The following PTPRN2 variants were observed in gnomAD, a reference collection of about 807,000 sequenced individuals.
The protein encoded by PTPRN2 is receptor-type tyrosine-protein phosphatase N2.
Under a neutral mutation model 118.8 loss-of-function variants are expected in PTPRN2, and 74 were observed. The ratio of observed to expected loss-of-function variants is 0.62; its 90% confidence interval spans 0.52 to 0.76. The LOEUF is 0.76. Among genes scored for constraint, PTPRN2 ranks in the 30% least tolerant of loss-of-function variants. The probability of loss-of-function intolerance (pLI) is 0.00; values close to 1 mark genes in which losing one functional copy is unlikely to be tolerated. For missense variants in PTPRN2, 1,481 were observed against 1,394.4 expected (o/e 1.06, Z -0.99); for synonymous variants, 641 against 608.0 (o/e 1.05, Z -0.80).
At chr7:158,232,056 C>A (rs1427873907) in intron 3 of PTPRN2, among the ~76,000 whole-genome samples, 1 of 151,732 alleles carries the variant, frequency 6.6e-6, no homozygotes, top group Non-Finnish European at 1.5e-5. Flanking sequence ...CCTCAAGGAC[C>A]AAGGAAAGCA....
chr7:158,025,381 C>T (rs984387729), intron 11 of PTPRN2, among the ~76,000 whole-genome samples: 2 of 152,212 alleles, frequency 1.3e-5, no homozygotes, highest in African/African-American at 4.8e-5. Context: ...CTCGGCCATG[C>T]TGAGAGATAC....
rs1256829141 is a variant in PTPRN2 at position 158,273,967 on chromosome 7, T to C, written c.277+42852A>G. 7.7e-5 allele frequency among the ~76,000 whole-genome samples: 5 copies of C among 64,580 alleles called. No individual in the cohort carries two copies. The South Asian group carries it at 1.5e-3, about 20-fold the overall frequency. 42.4% of individuals were successfully genotyped at this position (64,580 alleles called of 152,430 possible). A position where few individuals can be genotyped will look rare whatever the true frequency, so the allele number is the denominator to read the frequency against. On this transcript the variant is annotated intron_variant, in intron 3 of 22. Transcript: ENST00000389418. ...ACACAGGGGGAGCTGCAGACAGACA[T>C]GGGAGGAGCCGCAGACACAGGGAGC...
intron 12 of PTPRN2, among the ~76,000 whole-genome samples, chr7:157,853,023 C>T (rs901395018): frequency 1.1e-4 from 17 of 152,074 alleles, no homozygotes; most frequent in African/African-American, 3.9e-4. Context: ...ACTGTGTGGA[C>T]CATGGGTGAA....
At chr7:158,309,354 G>A (rs548217005) in intron 3 of PTPRN2, among the ~76,000 whole-genome samples, 12 of 54,688 alleles carry the variant, frequency 2.2e-4, no homozygotes, top group Middle Eastern at 9.3e-3. Context: ...CAGCCTACAC[G>A]CTACTCCCCT....
In PTPRN2 at chr7:158,438,379, A is replaced by G. The variant is rs1816729576; in HGVS notation, c.163+51356T>C. On this transcript the variant is annotated intron_variant, in intron 2 of 22. Coordinates refer to ENST00000389418, the MANE Select transcript of PTPRN2 (RefSeq NM_002847.5). This position sits in a 1 kb window ranked among gnomAD's most constrained non-coding sequence, Gnocchi z 4.7. ...ACTCCATCTCAAAAAAAAAAAAGAA[A>G]AAGTTTTATTTTATTTTTAATTGAC... 6.6e-6 allele frequency among the ~76,000 whole-genome samples: 1 copy of G among 152,174 alleles called. No individual in the cohort carries two copies. The highest frequency in any genetic ancestry group is 6.5e-5 in the Admixed American group (1 of 15,288).
intron 1 of PTPRN2, among the ~76,000 whole-genome samples, chr7:158,538,234 C>G (rs978199766): frequency 2.3e-4 from 35 of 152,358 alleles, no homozygotes; most frequent in African/African-American, 8.4e-4. Flanking sequence ...TCATACTCGA[C>G]GTAGCCCACA....
At position 158,398,933 on chromosome 7, in the gene PTPRN2, C is replaced by T. The variant is rs1204972635; in HGVS notation, c.164-82001G>A. ...ATTGTGACTTTGTAAATGCTATCCC[C>T]AACTAGGCTATGTAGTACGCTGTGA... On this transcript the variant is annotated intron_variant, in intron 2 of 22. Transcript: ENST00000389418. Among the ~76,000 whole-genome samples, 4 of 152,352 alleles carry T rather than the reference C, an allele frequency of 2.6e-5. No individual in the cohort carries two copies. The East Asian group carries it at 7.7e-4, about 29-fold the overall frequency.
At chr7:158,465,029 G>T (rs921244679) in intron 2 of PTPRN2, among the ~76,000 whole-genome samples, 1 of 152,230 alleles carries the variant, frequency 6.6e-6, no homozygotes, top group African/African-American at 2.4e-5. Flanking sequence ...AGTTACAGAG[G>T]CTATGGTGTT....
At chr7:157,602,755 G>C (rs895465897) in intron 16 of PTPRN2, among the ~76,000 whole-genome samples, 1 of 152,244 alleles carries the variant, frequency 6.6e-6, no homozygotes, top group South Asian at 2.1e-4. Flanking sequence ...GATCAGCAGA[G>C]CCGAGAGCTG....
chr7:158,270,447 G>A (rs998643955), intron 3 of PTPRN2, among the ~76,000 whole-genome samples: 5 of 152,224 alleles, frequency 3.3e-5, no homozygotes, highest in African/African-American at 1.2e-4. Flanking sequence ...CTTCACAGAG[G>A]GTGATCCTAC....
At chr7:158,439,112 C>T (rs901284762) in intron 2 of PTPRN2, among the ~76,000 whole-genome samples, 2 of 152,232 alleles carry the variant, frequency 1.3e-5, no homozygotes, top group African/African-American at 4.8e-5. Flanking sequence ...CTGGAAGCCG[C>T]CATTTCCAGT....
chr7:158,498,747 G>T (rs915098257), intron 1 of PTPRN2, among the ~76,000 whole-genome samples: 2 of 152,180 alleles, frequency 1.3e-5, no homozygotes, highest in African/African-American at 4.8e-5. Flanking sequence ...AATACTGCAG[G>T]TGCAGGTAGC....
chr7:158,454,612 G>A (rs111892015), intron 2 of PTPRN2, among the ~76,000 whole-genome samples: 13,617 of 142,668 alleles, frequency 0.095, 655 homozygotes, highest in Middle Eastern at 0.12. Context: ...AAGACACAAC[G>A]CACACAATCA....
At chr7:158,250,732 T>C (rs1205589496) in intron 3 of PTPRN2, among the ~76,000 whole-genome samples, 1 of 152,224 alleles carries the variant, frequency 6.6e-6, no homozygotes, top group Non-Finnish European at 1.5e-5. Context: ...TGTTGCGCCG[T>C]AGTCCTGATT....
At chr7:158,020,683 C>T (rs1175600391) in intron 11 of PTPRN2, among the ~76,000 whole-genome samples, 1 of 152,158 alleles carries the variant, frequency 6.6e-6, no homozygotes, top group Non-Finnish European at 1.5e-5. Flanking sequence ...CTCCCAAAGC[C>T]CACCAGCCAA....
rs573063140 is a variant in PTPRN2, at chr7:157,886,550, C to T, written c.1788+12123G>A. ...CACAGGAAAGTATTGAGAAGGCATC[C>T]GTGAGCCAGCGCAACGTGGAAACCT... On this transcript the variant is annotated intron_variant, in intron 12 of 22. Transcript: ENST00000389418. 5.3e-5 allele frequency among the ~76,000 whole-genome samples: 8 copies of T among 152,322 alleles called. No homozygotes were observed. In the South Asian group the frequency reaches 6.2e-4, roughly 12 times the overall value.
intron 3 of PTPRN2, among the ~76,000 whole-genome samples, chr7:158,237,941 T>C (rs1292932462): frequency 6.6e-6 from 1 of 152,104 alleles, no homozygotes; most frequent in African/African-American, 2.4e-5. Context: ...GCCCGGCGGC[T>C]GCCATGGAGA....
intron 3 of PTPRN2, among the ~76,000 whole-genome samples, chr7:158,268,204 G>C: frequency 6.6e-6 from 1 of 152,324 alleles, no homozygotes; most frequent in Non-Finnish European, 1.5e-5. Context: ...CATCAGAGCC[G>C]CGGCCGCACG....
At chr7:158,405,180 C>T (rs1020948643) in intron 2 of PTPRN2, among the ~76,000 whole-genome samples, 1 of 152,052 alleles carries the variant, frequency 6.6e-6, no homozygotes, top group Admixed American at 6.5e-5. Context: ...TCCACACCCC[C>T]TAGGATGCCT....
Sources: allele counts gnomAD v4.1 joint callset (sites outside exome capture counted in the v4.1 genomes callset), GRCh38; gene constraint gnomAD v4.1.1; non-coding constraint Gnocchi (gnomAD v3.1); transcripts MANE v1.5; gene names NCBI Gene and HGNC (gene_info 2026-07-23, HGNC 2026-07-21).